Variants in ROBO2 observed in about 807,000 individuals in gnomAD.
The protein encoded by ROBO2 is roundabout homolog 2.
In ROBO2, 53 loss-of-function variants were observed where a neutral mutation model predicts 160.8. The ratio of observed to expected loss-of-function variants is 0.33; its 90% CI spans 0.26 to 0.41. The LOEUF is 0.41. Among genes scored for constraint, ROBO2 ranks in the 10% least tolerant of loss-of-function variants. ROBO2 has a pLI of 1.00. For synonymous variants in ROBO2, 664 were observed against 611.7 expected (o/e 1.09, Z -1.26); for missense variants, 1,577 against 1,722.4 (o/e 0.92, Z 1.49).
At chr3:76,192,293 C>A (rs189482113) in intron 2 of ROBO2, among the ~76,000 whole-genome samples, 9 of 150,134 alleles carry the variant, frequency 6.0e-5, no homozygotes, top group African/African-American at 2.0e-4. Context: ...ATTGGCTTAC[C>A]AATCCTGCCA....
chr3:76,275,958 A>G (rs143984421), intron 2 of ROBO2, among the ~76,000 whole-genome samples: 1 of 152,156 alleles, frequency 6.6e-6, no homozygotes, highest in East Asian at 1.9e-4. Context: ...TTTTTAATGG[A>G]TGTTTTCATT....
At chr3:76,932,657 T>C (rs2077422726) in intron 2 of ROBO2, among the ~76,000 whole-genome samples, 1 of 152,340 alleles carries the variant, frequency 6.6e-6, no homozygotes, top group African/African-American at 2.4e-5. Flanking sequence ...TAAATCATGA[T>C]GTTATTTTTG....
chr3:76,357,303 A>G (rs2075231546), intron 2 of ROBO2, among the ~76,000 whole-genome samples: 1 of 152,000 alleles, frequency 6.6e-6, no homozygotes, highest in South Asian at 2.1e-4. Context: ...GCACACATGA[A>G]CACAAAGGCA....
intron 1 of ROBO2, among the ~76,000 whole-genome samples, chr3:75,929,675 C>T (rs556867963): frequency 6.6e-6 from 1 of 152,084 alleles, no homozygotes; most frequent in African/African-American, 2.4e-5. Flanking sequence ...CCATCATCAA[C>T]AGACCTCCTT....
At chr3:76,811,376 A>G (rs1305186729) in intron 2 of ROBO2, among the ~76,000 whole-genome samples, 1 of 152,190 alleles carries the variant, frequency 6.6e-6, no homozygotes, top group Non-Finnish European at 1.5e-5. Flanking sequence ...AATATTGCTT[A>G]TGTCATACCT....
chr3:77,399,031 G>C (rs1397079637), intron 2 of ROBO2, among the ~76,000 whole-genome samples: 1 of 152,068 alleles, frequency 6.6e-6, no homozygotes, highest in Non-Finnish European at 1.5e-5. Flanking sequence ...TCTTTTAGCA[G>C]TTGGTTCCTT....
intron 8 of ROBO2, among the ~76,000 whole-genome samples, chr3:77,556,770 T>C (rs1240230722): frequency 6.6e-6 from 1 of 151,896 alleles, no homozygotes; most frequent in Non-Finnish European, 1.5e-5. Flanking sequence ...ATCATTCATT[T>C]TTTCTTTTTT....
intron 2 of ROBO2, among the ~76,000 whole-genome samples, chr3:76,632,782 A>T (rs946962374): frequency 3.4e-4 from 52 of 152,348 alleles, no homozygotes; most frequent in African/African-American, 1.3e-3. Context: ...CTACATTGGG[A>T]TGTCTAATTT....
rs568474885 is a variant in ROBO2 at position 76,055,431 on chromosome 3, G to T, written c.109+117829G>T. On this transcript the variant is annotated intron_variant, in intron 2 of 26. Coordinates refer to the ROBO2 transcript ENST00000487694. Reference sequence around the variant, plus strand: ...TGATGGCAGGAAATGTACTTCTAGTGCACCTGTCACCCAAATAGTGAACAT... The same window carrying T: ...TGATGGCAGGAAATGTACTTCTAGTTCACCTGTCACCCAAATAGTGAACAT... Among the ~76,000 whole-genome samples, 4 of 152,214 alleles carry T rather than the reference G, an allele frequency of 2.6e-5. No homozygotes were observed. The East Asian group carries it at 7.7e-4, about 29-fold the overall frequency.
intron 2 of ROBO2, among the ~76,000 whole-genome samples, chr3:77,008,633 G>A (rs1044884467): frequency 1.3e-5 from 2 of 152,114 alleles, no homozygotes; most frequent in Non-Finnish European, 2.9e-5. Context: ...CTGAGAAGGC[G>A]ATGCAGCATA....
At chr3:77,286,726 T>A (rs1449224690) in intron 2 of ROBO2, among the ~76,000 whole-genome samples, 1 of 152,244 alleles carries the variant, frequency 6.6e-6, no homozygotes, top group Non-Finnish European at 1.5e-5. Flanking sequence ...TTCATGAGGC[T>A]TTCCCTTATC....
At chr3:76,079,943 A>G (rs992669772) in intron 2 of ROBO2, among the ~76,000 whole-genome samples, 1 of 152,178 alleles carries the variant, frequency 6.6e-6, no homozygotes, top group Non-Finnish European at 1.5e-5. Context: ...AATGGAACCA[A>G]TGATATGCCT....
At chr3:77,563,171 T>G (rs769479692) in exon 11 of ROBO2, 1 of 1,613,164 alleles carries the variant, frequency 6.2e-7, no homozygotes, top group South Asian at 1.1e-5. Flanking sequence ...CTATAGAGTC[T>G]GGAGCAACAA....
intron 2 of ROBO2, among the ~76,000 whole-genome samples, chr3:76,101,035 AAC>A (rs2069661898): frequency 6.6e-6 from 1 of 152,148 alleles, no homozygotes; most frequent in Admixed American, 6.5e-5. Flanking sequence ...ATAAAAAAAA[AAC>A]AGAGAGCCAA....
chr3:76,046,258 G>C (rs567769274), intron 2 of ROBO2, among the ~76,000 whole-genome samples: 1 of 152,080 alleles, frequency 6.6e-6, no homozygotes, highest in African/African-American at 2.4e-5. Context: ...ACATGGATAA[G>C]ATAAATAATA....
intron 2 of ROBO2, among the ~76,000 whole-genome samples, chr3:76,293,212 C>T (rs1175730118): frequency 6.6e-6 from 1 of 152,192 alleles, no homozygotes; most frequent in Non-Finnish European, 1.5e-5. Flanking sequence ...AGTAGTCAAG[C>T]AGGCTTCTTG....
chr3:76,809,412 T>C (rs2064990819), intron 2 of ROBO2, among the ~76,000 whole-genome samples: 1 of 152,184 alleles, frequency 6.6e-6, no homozygotes, highest in African/African-American at 2.4e-5. Flanking sequence ...TGTGGCAGCT[T>C]GCTTCTTCAA....
intron 2 of ROBO2, among the ~76,000 whole-genome samples, chr3:76,731,715 G>T (rs2093640331): frequency 6.6e-6 from 1 of 152,106 alleles, no homozygotes; most frequent in African/African-American, 2.4e-5. Flanking sequence ...AAATCAAAGA[G>T]CCTGAACAAG....
intron 2 of ROBO2, among the ~76,000 whole-genome samples, chr3:76,845,922 A>C (rs1248491426): frequency 6.6e-6 from 1 of 152,078 alleles, no homozygotes; most frequent in Non-Finnish European, 1.5e-5. Flanking sequence ...TTCAATCATC[A>C]AAGTCACTGA....
Sources: allele counts gnomAD v4.1 joint callset (sites outside exome capture counted in the v4.1 genomes callset), GRCh38; gene constraint gnomAD v4.1.1; transcripts MANE v1.5; gene names NCBI Gene and HGNC (gene_info 2026-07-23, HGNC 2026-07-21).